Variants in GRM5 observed in about 807,000 individuals in gnomAD.
GRM5 encodes the protein glutamate metabotropic receptor 5.
GRM5 carries 19 observed loss-of-function variants against 83.1 expected under a neutral mutation model. That is an observed-to-expected ratio of 0.23 (90% CI 0.16 to 0.34). The LOEUF (loss-of-function observed/expected upper bound fraction) is 0.34, where lower values mean the gene tolerates loss of function less well. Among genes scored for constraint, GRM5 ranks in the 10% least tolerant of loss-of-function variants. The pLI is 1.00. For missense variants in GRM5, 1,160 were observed against 1,588.3 expected (o/e 0.73, Z 4.58); for synonymous variants, 675 against 633.6 (o/e 1.07, Z -0.98).
intron 2 of GRM5, among the ~76,000 whole-genome samples, chr11:89,013,930 C>A (rs1263305392): frequency 6.6e-6 from 1 of 152,106 alleles, no homozygotes; most frequent in African/African-American, 2.4e-5. Flanking sequence ...ATGTAGCCTC[C>A]CACTTCTTAC....
rs78591105 is a variant in GRM5 at position 88,644,498 on chromosome 11, G to A, written c.1147+8670C>T. ...ATGAATATAAAATGTTTGCATGCTG[G>A]TCTAACAATTTGAAAAATTCTACTT... On this transcript the variant is annotated intron_variant, in intron 4 of 9. Transcript: ENST00000305447. 3.8e-3 allele frequency among the ~76,000 whole-genome samples: 575 copies of A among 152,224 alleles called. 10 individuals are homozygous for A. The highest frequency in any genetic ancestry group is 0.03 in the Admixed American group (451 of 15,262).
At chr11:88,769,385 T>C (rs1378826032) in intron 3 of GRM5, among the ~76,000 whole-genome samples, 2 of 78,460 alleles carry the variant, frequency 2.5e-5, no homozygotes, top group Admixed American at 1.9e-4. Context: ...TTTTGCCAAC[T>C]GTTAAGTGTC....
At chr11:88,585,926 T>C (rs1943304516) in intron 7 of GRM5, among the ~76,000 whole-genome samples, 2 of 152,154 alleles carry the variant, frequency 1.3e-5, no homozygotes, top group Admixed American at 1.3e-4. Context: ...TCCATTTATT[T>C]CTCATTTCTT....
At chr11:88,889,538 C>G (rs1945103647) in intron 2 of GRM5, among the ~76,000 whole-genome samples, 1 of 152,106 alleles carries the variant, frequency 6.6e-6, no homozygotes, top group Non-Finnish European at 1.5e-5. Context: ...AGTTCAGAAG[C>G]TGAAAATCTT....
intron 7 of GRM5, among the ~76,000 whole-genome samples, chr11:88,574,627 C>G (rs1190672670): frequency 2.6e-5 from 4 of 152,072 alleles, no homozygotes; most frequent in Non-Finnish European, 4.4e-5. Flanking sequence ...ATTAGCCAGG[C>G]ATGGTGGCAG....
At chr11:88,944,513 CA>C (rs1938211527) in intron 2 of GRM5, among the ~76,000 whole-genome samples, 1 of 151,760 alleles carries the variant, frequency 6.6e-6, no homozygotes, top group African/African-American at 2.4e-5. Context: ...GTGTGTATGG[CA>C]AAATTACCTA....
intron 3 of GRM5, among the ~76,000 whole-genome samples, chr11:88,681,108 T>A (rs1393612784): frequency 6.7e-6 from 1 of 149,912 alleles, no homozygotes; most frequent in African/African-American, 2.5e-5. Flanking sequence ...AGAACTCTTG[T>A]CAGTATTTCA....
At position 88,567,160 on chromosome 11, in the gene GRM5, G is replaced by A. The variant is rs147489078; in HGVS notation, c.2523C>T (p.Thr841=). 213 of 1,612,508 alleles carry A rather than the reference G, an allele frequency of 1.3e-4. No homozygotes were observed. The South Asian group carries it at 2.0e-3, about 15-fold the overall frequency. Residue 841 remains threonine (T), a synonymous_variant, in exon 8 of 10, where the codon ACC becomes ACT. Coordinates refer to ENST00000305447, the MANE Select transcript of GRM5 (RefSeq NM_001143831.3). This position sits in a 1 kb window ranked among gnomAD's most constrained non-coding sequence, Gnocchi z 7.3. ...RNVRSAFTTS[T]VVRMHVGDGK... ...CATCCCCTACATGCATGCGCACCAC[G>A]GTAGATGTGGTGAAGGCGCTGCGCA...
chr11:88,985,483 G>A (rs573259553), intron 2 of GRM5, among the ~76,000 whole-genome samples: 12 of 152,076 alleles, frequency 7.9e-5, no homozygotes, highest in East Asian at 7.7e-4. Flanking sequence ...ATGAGTCCTC[G>A]TATACTGATC....
intron 8 of GRM5, among the ~76,000 whole-genome samples, chr11:88,534,130 C>T (rs1052649876): frequency 3.3e-5 from 5 of 152,220 alleles, no homozygotes; most frequent in Non-Finnish European, 7.3e-5. Context: ...CATGGAGAAC[C>T]TCTGCTAGGG....
chr11:88,824,305 A>G (rs1943855261), intron 3 of GRM5, among the ~76,000 whole-genome samples: 1 of 152,170 alleles, frequency 6.6e-6, no homozygotes, highest in South Asian at 2.1e-4. Flanking sequence ...GGATATTAGC[A>G]GTCTTCGATG....
rs115693846 is a variant in GRM5, at chr11:88,614,406, T to G, written c.1148-9442A>C. ...GTCAAAATGTAAATCATAATAACCT[T>G]TAGTCACTATATATTTCTGGTCAAG... On this transcript the variant is annotated intron_variant, in intron 4 of 9. Coordinates refer to ENST00000305447, the MANE Select transcript of GRM5 (RefSeq NM_001143831.3). Among the ~76,000 whole-genome samples, 909 of 152,270 alleles carry G rather than the reference T, an allele frequency of 6.0e-3. 11 individuals are homozygous for G. The highest frequency in any genetic ancestry group is 0.021 in the African/African-American group (871 of 41,558).
chr11:88,570,488 T>G (rs1037569068), intron 7 of GRM5, among the ~76,000 whole-genome samples: 3 of 148,164 alleles, frequency 2.0e-5, no homozygotes, highest in African/African-American at 7.5e-5. Flanking sequence ...TGCCATAGAG[T>G]TTAGGCTTAT....
chr11:88,970,798 G>C (rs1376782390), intron 2 of GRM5, among the ~76,000 whole-genome samples: 1 of 152,156 alleles, frequency 6.6e-6, no homozygotes, highest in Non-Finnish European at 1.5e-5. Context: ...TAGGCAGTGG[G>C]AAGTGGGCAG....
At chr11:89,039,032 A>C (rs1008783656) in intron 2 of GRM5, among the ~76,000 whole-genome samples, 1 of 152,066 alleles carries the variant, frequency 6.6e-6, no homozygotes, top group Non-Finnish European at 1.5e-5. Flanking sequence ...TTGGAAGTCC[A>C]AGGCAGGCAG....
intron 3 of GRM5, among the ~76,000 whole-genome samples, chr11:88,748,654 A>G (rs1002973362): frequency 2.0e-5 from 3 of 152,220 alleles, no homozygotes; most frequent in Admixed American, 6.5e-5. Context: ...GAGACCTTCC[A>G]ATGGAGGTCT....
chr11:89,042,270 G>A (rs1440899689), intron 2 of GRM5, among the ~76,000 whole-genome samples: 1 of 152,042 alleles, frequency 6.6e-6, no homozygotes, highest in Non-Finnish European at 1.5e-5. Flanking sequence ...TGAGATAAAG[G>A]GAGAGTGAAT....
intron 5 of GRM5, among the ~76,000 whole-genome samples, chr11:88,601,853 T>C (rs3337): frequency 0.34 from 51,371 of 151,860 alleles, 10,037 homozygotes; most frequent in African/African-American, 0.55. Flanking sequence ...ATGGTTTCTA[T>C]TCACCTCTGC....
chr11:88,601,899 A>G (rs1247365399), intron 5 of GRM5, among the ~76,000 whole-genome samples: 1 of 152,178 alleles, frequency 6.6e-6, no homozygotes, highest in Non-Finnish European at 1.5e-5. Flanking sequence ...CACCTAAATA[A>G]ATCAATGTGA....
Sources: gnomAD v4.1 joint callset for allele counts (sites outside exome capture counted in the v4.1 genomes callset) on GRCh38, gnomAD v4.1.1 for gene constraint, Gnocchi (gnomAD v3.1) non-coding constraint, MANE v1.5 for transcripts, NCBI Gene and HGNC (gene_info 2026-07-23, HGNC 2026-07-21) for gene names.